TBXA2R: variants seen among roughly 807,000 people sequenced by gnomAD.
TBXA2R encodes the protein thromboxane A2 receptor.
TBXA2R carries 15 observed loss-of-function variants against 15.6 expected under a neutral mutation model. The observed-to-expected ratio is 0.96, with a 90% CI of 0.64 to 1.48. The LOEUF (loss-of-function observed/expected upper bound fraction) is 1.48. TBXA2R is among the 40% of genes most tolerant of loss of function. The probability of loss-of-function intolerance (pLI) is 0.00; values close to 1 mark genes in which losing one functional copy is unlikely to be tolerated. For missense variants in TBXA2R, 506 were observed against 491.4 expected (o/e 1.03, Z -0.28); for synonymous variants, 280 against 241.2 (o/e 1.16, Z -1.49).
chr19:3,603,397 G>A (rs908471787), intron 1 of TBXA2R, among the ~76,000 whole-genome samples: 1 of 152,230 alleles, frequency 6.6e-6, no homozygotes, highest in Non-Finnish European at 1.5e-5. Context: ...GAGCAGATGC[G>A]GTGGGGGGTT....
At chr19:3,600,846 TGAGACA>T (rs2032724923) in intron 1 of TBXA2R, 129 bp from the exon 2 acceptor site, 9 of 586,328 alleles carry the variant, frequency 1.5e-5, no homozygotes, top group African/African-American at 1.1e-4. Flanking sequence ...TTTTTTTTTT[TGAGACA>T]GAGTCTTGCT....
At chr19:3,601,526 A>G (rs1245942052) in intron 1 of TBXA2R, among the ~76,000 whole-genome samples, 1 of 151,790 alleles carries the variant, frequency 6.6e-6, no homozygotes, top group African/African-American at 2.4e-5. Context: ...CTGTCTCAAA[A>G]AAAAAAAAAC....
intron 1 of TBXA2R, among the ~76,000 whole-genome samples, chr19:3,605,454 C>A (rs867447507): frequency 1.3e-5 from 2 of 151,826 alleles, no homozygotes; most frequent in Non-Finnish European, 2.9e-5. Flanking sequence ...GACACACACA[C>A]AGAAACATGG....
chr19:3,600,847 G>C (rs1438993199), intron 1 of TBXA2R, 130 bp from the exon 2 acceptor site: 2 of 316,404 alleles, frequency 6.3e-6, no homozygotes, highest in African/African-American at 7.9e-5. Context: ...TTTTTTTTTT[G>C]AGACAGAGTC....
Position 3,595,244 on chromosome 19 carries a change from T to G in TBXA2R, c.*444A>C. The G allele has an allele frequency of 3.8e-6, 3 of 786,300 alleles. No individual in the cohort carries two copies. In the South Asian group the frequency reaches 6.9e-5, roughly 18 times the overall value. 48.7% of individuals were successfully genotyped at this position (786,300 alleles called of 1,614,324 possible). ...AAATACAAAAATTAGCCGGGCGTGG[T>G]GGCGCGCGCCTATAGTCCCAGCTAC... On this transcript the variant is annotated 3_prime_UTR_variant, in exon 3 of 3. Transcript: ENST00000375190.
rs902163191 is a variant in TBXA2R at position 3,595,653 on chromosome 19, G to C, written c.*35C>G. On this transcript the variant is annotated 3_prime_UTR_variant, in exon 3 of 3. Transcript: ENST00000375190. ...GGCTGTCCGAGGGGCCAAGGGCTCC[G>C]CGGAAAGGCGCGGGAGGGGCGCTCT... The C allele has an allele frequency of 5.2e-6, 8 of 1,541,038 alleles. No homozygotes were observed. The African/African-American group carries it at 6.8e-5, about 13-fold the overall frequency.
intron 1 of TBXA2R, among the ~76,000 whole-genome samples, chr19:3,604,110 C>T (rs888769041): frequency 2.6e-5 from 4 of 151,604 alleles, no homozygotes; most frequent in Non-Finnish European, 4.4e-5. Context: ...AGTCCTGGGA[C>T]GCAGAAGGCC....
rs2032697244 is a variant in TBXA2R at position 3,600,223 on chromosome 19, A to G, written c.412T>C (p.Phe138Leu). The change falls in exon 2 of 3, where the codon TTC (phenylalanine) becomes CTC (leucine). Residue 138 changes from phenylalanine to leucine, a missense_variant. Transcript: ENST00000375190. ...SERYLGITRP[F>L]SRPAVASQRR... is the part of the protein sequence containing the mutation. ...TGCGAGGCGACCGCCGGGCGCGAGA[A>G]GGGCCGGGTGATACCCAGGTAGCGC... 1 of 1,609,454 alleles carries G rather than the reference A, an allele frequency of 6.2e-7. No individual in the cohort carries two copies. Among genetic ancestry groups the G allele is most frequent in the Non-Finnish European group, 8.5e-7 (1 of 1,178,538 alleles).
rs931565119 is a variant in TBXA2R, at chr19:3,606,579, G to A, written c.-133C>T. On this transcript the variant is annotated 5_prime_UTR_variant, in exon 1 of 3. Transcript: ENST00000375190. ...TCCCACCTGGCTGGATCCCGCGCCCGGGGGTCCGGGCGCCGTCTGGAGCTG... is the reference window on the plus strand; with the variant it reads ...TCCCACCTGGCTGGATCCCGCGCCCAGGGGTCCGGGCGCCGTCTGGAGCTG... 3 of 152,276 alleles carry A rather than the reference G, an allele frequency of 2.0e-5. No individual in the cohort carries two copies. Among genetic ancestry groups the A allele is most frequent in the African/African-American group, 4.8e-5 (2 of 41,452 alleles). 9.4% of individuals were successfully genotyped at this position (152,276 alleles called of 1,614,324 possible). A position where few individuals can be genotyped will look rare whatever the true frequency, so the allele number is the denominator to read the frequency against.
chr19:3,606,046 T>C (rs1269098445), intron 1 of TBXA2R, among the ~76,000 whole-genome samples: 1 of 151,680 alleles, frequency 6.6e-6, no homozygotes, highest in Non-Finnish European at 1.5e-5. Context: ...CACACAGTAT[T>C]TAACAGTCAC....
chr19:3,600,281 G>T lies in TBXA2R; in HGVS notation c.354C>A (p.Ser118=), dbSNP rs1216941259. 1.2e-6 allele frequency: 2 copies of T among 1,612,656 alleles called. No individual in the cohort carries two copies. Among genetic ancestry groups the T allele is most frequent in the Non-Finnish European group, 1.7e-6 (2 of 1,179,706 alleles). ...MGVVMIFFGL[S]PLLLGAAMAS... is the part of the protein sequence containing the mutation. ...CCATGGCGGCCCCCAGCAGCAGCGG[G>T]GACAGGCCGAAGAAGATCATGACGA... The change falls in exon 2 of 3, where the codon TCC becomes TCA. Residue 118 remains serine (S), a synonymous_variant. Coordinates refer to ENST00000375190, the MANE Select transcript of TBXA2R (RefSeq NM_001060.6).
At position 3,595,648 on chromosome 19, in the gene TBXA2R, G is replaced by C. The variant is rs199574664; in HGVS notation, c.*40C>G. The C allele has an allele frequency of 6.5e-7, 1 of 1,534,092 alleles. No homozygotes were observed. Among genetic ancestry groups the C allele is most frequent in the Non-Finnish European group, 8.8e-7 (1 of 1,136,194 alleles). ...AGATGGGCTGTCCGAGGGGCCAAGGGCTCCGCGGAAAGGCGCGGGAGGGGC... is the reference window on the plus strand; with the variant it reads ...AGATGGGCTGTCCGAGGGGCCAAGGCCTCCGCGGAAAGGCGCGGGAGGGGC... On this transcript the variant is annotated 3_prime_UTR_variant, in exon 3 of 3. Coordinates refer to ENST00000375190, the MANE Select transcript of TBXA2R (RefSeq NM_001060.6).
In TBXA2R at chr19:3,600,305, G is replaced by A. The variant is rs758329601; in HGVS notation, c.330C>T (p.Val110=). Residue 110 remains valine (V), a synonymous_variant, in exon 2 of 3, where the codon GTC becomes GTT. Transcript: ENST00000375190. ...GGGACAGGCCGAAGAAGATCATGAC[G>A]ACGCCCATGAAGCGACAGAGACGGC... The part of the protein sequence containing the change: ...PGCRLCRFMG[V]VMIFFGLSPL... 19 of 1,613,034 alleles carry A rather than the reference G, an allele frequency of 1.2e-5. No homozygotes were observed. The highest frequency in any genetic ancestry group is 1.6e-5 in the Non-Finnish European group (19 of 1,179,800).
At chr19:3,604,914 C>G (rs1471411174) in intron 1 of TBXA2R, among the ~76,000 whole-genome samples, 1 of 152,202 alleles carries the variant, frequency 6.6e-6, no homozygotes, top group Non-Finnish European at 1.5e-5. Flanking sequence ...GCCAGACCCT[C>G]CCATGCCTGC....
chr19:3,602,895 G>A (rs2032765085), intron 1 of TBXA2R, among the ~76,000 whole-genome samples: 1 of 152,066 alleles, frequency 6.6e-6, no homozygotes, highest in South Asian at 2.1e-4. Context: ...AATTAGCCAG[G>A]CGTGGTGGCG....
chr19:3,604,731 A>C (rs2238634), intron 1 of TBXA2R, among the ~76,000 whole-genome samples: 123,519 of 152,138 alleles, frequency 0.81, 50,434 homozygotes, highest in Middle Eastern at 0.91. Context: ...TGCGGGTGCT[A>C]AGCTCAGGCC....
Position 3,595,180 on chromosome 19 carries a change from A to T in TBXA2R, c.*508T>A, listed in dbSNP as rs767821142. 1.6e-6 allele frequency: 1 copy of T among 630,510 alleles called. No individual in the cohort carries two copies. The highest frequency in any genetic ancestry group is 2.6e-6 in the Non-Finnish European group (1 of 386,790). The allele number at this position is 630,510 out of a possible 1,614,324, so 39.1% of individuals were successfully genotyped here. ...AATCACCTGAGGTCAGGAGTTCAAG[A>T]CCAGCCTGGCCAACACGGTGAAACC... On this transcript the variant is annotated 3_prime_UTR_variant, in exon 3 of 3. Coordinates refer to ENST00000375190, the MANE Select transcript of TBXA2R (RefSeq NM_001060.6).
chr19:3,606,166 A>G (rs1171419782), intron 1 of TBXA2R, among the ~76,000 whole-genome samples: 1 of 152,144 alleles, frequency 6.6e-6, no homozygotes, highest in African/African-American at 2.4e-5. Context: ...AGACAAGATC[A>G]CACACACAGC....
rs2032714474 is a variant in TBXA2R at position 3,600,509 on chromosome 19, G to A, written c.126C>T (p.Asn42=). ...CCGCCAGCACGCTCAGGGCCAGCAG[G>A]TTGGAGGCCAGGCCCACCACGCAGA... The part of the protein sequence containing the change: ...ASFCVVGLAS[N]LLALSVLAGA... The change falls in exon 2 of 3, where the codon AAC becomes AAT. Residue 42 remains asparagine (N), a synonymous_variant. Transcript: ENST00000375190. The A allele has an allele frequency of 1.9e-6, 3 of 1,612,698 alleles. No homozygotes were observed. Among genetic ancestry groups the A allele is most frequent in the Non-Finnish European group, 2.5e-6 (3 of 1,179,512 alleles).
Sources: gnomAD v4.1 joint callset for allele counts (sites outside exome capture counted in the v4.1 genomes callset) on GRCh38, gnomAD v4.1.1 for gene constraint, MANE v1.5 for transcripts, NCBI Gene and HGNC (gene_info 2026-07-23, HGNC 2026-07-21) for gene names.